Variants in MICAL1 observed in about 807,000 individuals in gnomAD.
MICAL1 encodes [F-actin]-monooxygenase MICAL1.
A neutral mutation model predicts 131.8 loss-of-function variants in MICAL1; 95 were observed. The ratio of observed to expected loss-of-function variants is 0.72; its 90% CI spans 0.61 to 0.86. The LOEUF is 0.86. Ranked by LOEUF, MICAL1 falls within the 40% of genes least tolerant of loss-of-function variation. The pLI is 0.00. For missense variants in MICAL1, 1,292 were observed against 1,380.6 expected, an observed-to-expected ratio of 0.94 and a Z score of 1.02; for synonymous variants, 546 against 554.2, an observed-to-expected ratio of 0.99 and a Z score of 0.21.
intron 18 of MICAL1, 119 bp from the exon 19 acceptor site, chr6:109,446,531 G>T: frequency 7.1e-7 from 1 of 1,415,374 alleles, no homozygotes; most frequent in Non-Finnish European, 9.8e-7. Context: ...CTGTGTTTTA[G>T]ATACTTGAGA....
At chr6:109,453,464 T>C in intron 3 of MICAL1, 97 bp from the exon 4 acceptor site, 6 of 1,516,936 alleles carry the variant, frequency 4.0e-6, no homozygotes, top group Non-Finnish European at 5.4e-6. Context: ...GGAAAAGGCC[T>C]TAGCAATCAC....
chr6:109,447,252 G>A, intron 16 of MICAL1, 23 bp from the exon 17 acceptor site: 2 of 1,614,000 alleles, frequency 1.2e-6, no homozygotes, highest in Non-Finnish European at 1.7e-6. Context: ...CCAGGACACA[G>A]GGTCAGGTGG....
Position 109,445,256 on chromosome 6 carries a change from G to T in MICAL1, c.2822C>A (p.Ala941Asp), listed in dbSNP as rs1282864467. Residue 941 changes from alanine (A) to aspartate (D), a missense_variant, in exon 22 of 25, where the codon GCC (alanine) becomes GAC (aspartate). Ala to Asp is a moderately radical substitution (Grantham distance 126). Coordinates refer to ENST00000358807, the MANE Select transcript of MICAL1 (RefSeq NM_022765.4). ...GCCCTCGGCCTCTAGCTCCCTCAAG[G>T]CAGCCTCAATCTCATTTAGTCGCCG... ...IQRRLNEIEA[A>D]LRELEAEGVK... 1 of 1,614,112 alleles carries T rather than the reference G, an allele frequency of 6.2e-7. No individual in the cohort carries two copies. Among genetic ancestry groups the T allele is most frequent in the South Asian group, 1.1e-5 (1 of 91,084 alleles).
rs1409506970 is a variant in MICAL1 at position 109,445,814 on chromosome 6, T to G, written c.2630A>C (p.Glu877Ala). The G allele has an allele frequency of 1.2e-6, 2 of 1,611,580 alleles. No homozygotes were observed. The highest frequency in any genetic ancestry group is 1.7e-4 in the Middle Eastern group (1 of 5,886). ...CAAAGGCACATCTTCTTCTTCCTCT[T>G]CACTGGAGAAGGGACTCTCTTTTTC... ...KEEKESPFSSEEEEEDVPLDS... is the reference protein window; with the variant it reads ...KEEKESPFSSAEEEEDVPLDS... The change falls in exon 20 of 25, where the codon GAA (glutamate) becomes GCA (alanine). Residue 877 changes from glutamate (E) to alanine (A), a missense_variant. By Grantham distance (107) the Glu-to-Ala change is moderately radical. Transcript: ENST00000358807.
chr6:109,449,259 C>T, intron 11 of MICAL1, 141 bp downstream of exon 11: 1 of 919,048 alleles, frequency 1.1e-6, no homozygotes, highest in East Asian at 2.6e-5. Context: ...CTCCAGCAGG[C>T]CCCCAACCAA....
At chr6:109,458,260 T>C (rs558721477), upstream of MICAL1, among the ~76,000 whole-genome samples, 24 of 152,324 alleles carry the variant, frequency 1.6e-4, no homozygotes, top group East Asian at 3.7e-3. Context: ...CCAATTCATA[T>C]TGGATCAAAT....
In MICAL1 at chr6:109,453,537, G is replaced by C. The variant is rs547509978; in HGVS notation, c.466+101C>G. 1.1e-5 allele frequency: 16 copies of C among 1,514,236 alleles called. No homozygotes were observed. In the South Asian group the frequency reaches 1.7e-4, roughly 16 times the overall value. The allele number at this position is 1,514,236 out of a possible 1,614,324, so 93.8% of individuals were successfully genotyped here. A position where few individuals can be genotyped will look rare whatever the true frequency, so the allele number is the denominator to read the frequency against. ...TCTTCAAGGTCACCTGGCTGATACG[G>C]ATCTTGTCCACTTCGACATTTGGCT... On this transcript the variant is annotated intron_variant, in intron 3 of 24. Transcript: ENST00000358807.
intron 11 of MICAL1, chr6:109,449,183 A>G (rs1775396731): frequency 1.2e-5 from 8 of 691,684 alleles, no homozygotes; most frequent in Middle Eastern, 3.8e-4. Context: ...CGGTGGTTCA[A>G]ACACTAACGC....
chr6:109,444,659 CTG>C, intron 24 of MICAL1, 64 bp downstream of exon 24: 1 of 1,569,938 alleles, frequency 6.4e-7, no homozygotes, highest in Non-Finnish European at 8.8e-7. Context: ...TGGTCAGTAT[CTG>C]AGATCATGAG....
At chr6:109,461,418 C>G (rs991823629) in intron 1 of MICAL1, among the ~76,000 whole-genome samples, 1 of 151,864 alleles carries the variant, frequency 6.6e-6, no homozygotes, top group Non-Finnish European at 1.5e-5. Flanking sequence ...TTCTGTAGAC[C>G]GTAACTTTCA....
At chr6:109,465,738 C>T in exon 1 of MICAL1, 1 of 1,611,234 alleles carries the variant, frequency 6.2e-7, no homozygotes, top group South Asian at 1.1e-5. Flanking sequence ...TCACAGCTCT[C>T]ACAGAAGCAT....
chr6:109,455,656 A>G lies in MICAL1; in HGVS notation c.-44+63T>C. On this transcript the variant is annotated intron_variant, in intron 1 of 24. Transcript: ENST00000358807. The surrounding 1 kb of genome is among the most constrained non-coding windows in gnomAD (Gnocchi z 4.7). ...GCGACCGCAGCTGCGTTTCCCCGGA[A>G]GCGCACCCCACCTCACCCCACCCGG... is the stretch of plus-strand genomic sequence containing the variant. 1.0e-6 allele frequency: 1 copy of G among 968,506 alleles called. No individual in the cohort carries two copies. Among genetic ancestry groups the G allele is most frequent in the Non-Finnish European group, 1.2e-6 (1 of 814,512 alleles). The allele number at this position is 968,506 out of a possible 1,614,324, so 60.0% of individuals were successfully genotyped here. A position where few individuals can be genotyped will look rare whatever the true frequency, so the allele number is the denominator to read the frequency against.
At chr6:109,445,349 G>A (rs1775162404) in intron 21 of MICAL1, 59 bp from the exon 22 acceptor site, 18 of 1,610,558 alleles carry the variant, frequency 1.1e-5, no homozygotes, top group Non-Finnish European at 1.4e-5. Context: ...ACAGAGCACT[G>A]GAGGAACTCT....
rs1285591904 is a variant in MICAL1, at chr6:109,454,367, C to T, written c.-43-128G>A. 3.3e-6 allele frequency: 3 copies of T among 917,308 alleles called. No homozygotes were observed. The African/African-American group carries it at 5.1e-5, about 16-fold the overall frequency. 56.8% of individuals were successfully genotyped at this position (917,308 alleles called of 1,614,324 possible). On this transcript the variant is annotated intron_variant, in intron 1 of 24. Transcript: ENST00000358807. ...TCACCAGTGATTGGCTCTGCTCCTC[C>T]CAGCCCATTCCCCTGCCAGCATCTG...
chr6:109,444,201 G>A lies in MICAL1; in HGVS notation c.3194C>T (p.Ala1065Val). 6.2e-7 allele frequency: 1 copy of A among 1,612,854 alleles called. No homozygotes were observed. Among genetic ancestry groups the A allele is most frequent in the Non-Finnish European group, 8.5e-7 (1 of 1,179,922 alleles). Residue 1065 changes from alanine to valine, a missense_variant, in exon 25 of 25, where the codon GCC becomes GTC. Ala to Val is a moderately conservative substitution (Grantham distance 64). Coordinates refer to ENST00000358807, the MANE Select transcript of MICAL1 (RefSeq NM_022765.4). ...RLSELALGTG[A>V]QG ...ACGGCCCACCCTCGTCTAGCCCTGG[G>A]CCCCTGTCCCCAAGGCCAGCTCGCT...
chr6:109,449,572 A>G, intron 10 of MICAL1, 85 bp downstream of exon 10: 1 of 1,603,274 alleles, frequency 6.2e-7, no homozygotes, highest in Non-Finnish European at 8.5e-7. Context: ...GATTGACCCC[A>G]AAGGGCAGCG....
intron 15 of MICAL1, 78 bp downstream of exon 15, chr6:109,447,603 T>A (rs1775292184): frequency 5.0e-6 from 8 of 1,602,438 alleles, no homozygotes; most frequent in Non-Finnish European, 6.8e-6. Flanking sequence ...AGACATGGGA[T>A]GAGAAATAGG....
intron 7 of MICAL1, among the ~76,000 whole-genome samples, chr6:109,450,858 A>AAC (rs1171282283): frequency 6.6e-6 from 1 of 152,240 alleles, no homozygotes; most frequent in Non-Finnish European, 1.5e-5. Flanking sequence ...ACTTAGAGAC[A>AAC]ACATGCCTAA....
chr6:109,448,638 G>A, intron 12 of MICAL1, 94 bp downstream of exon 12: 1 of 1,536,510 alleles, frequency 6.5e-7, no homozygotes, highest in Non-Finnish European at 8.9e-7. Flanking sequence ...ACTGTCGGCA[G>A]ATGCAGGGAA....
Sources: allele counts gnomAD v4.1 joint callset (sites outside exome capture counted in the v4.1 genomes callset), GRCh38; gene constraint gnomAD v4.1.1; non-coding constraint Gnocchi (gnomAD v3.1); transcripts MANE v1.5; gene names NCBI Gene and HGNC (gene_info 2026-07-23, HGNC 2026-07-21).